NFIX: variants seen among roughly 807,000 people sequenced by gnomAD.
NFIX encodes nuclear factor 1 X-type.
NFIX carries 2 observed loss-of-function variants against 53.3 expected under a neutral mutation model. The observed-to-expected ratio is 0.04, with a 90% CI of 0.02 to 0.12. The LOEUF is 0.12. Ranked by LOEUF, NFIX falls within the 10% of genes least tolerant of loss-of-function variation. NFIX has a pLI of 1.00. For synonymous variants in NFIX, 244 were observed against 289.0 expected (o/e 0.84, Z 1.58); for missense variants, 310 against 674.5 (o/e 0.46, Z 5.99).
chr19:13,046,451 G>A (rs144200717), intron 2 of NFIX, among the ~76,000 whole-genome samples: 11 of 152,098 alleles, frequency 7.2e-5, no homozygotes, highest in African/African-American at 1.9e-4. Context: ...CCTAATAGTG[G>A]AATCGCGTTG....
At chr19:13,061,762 A>G (rs1197917477) in intron 2 of NFIX, among the ~76,000 whole-genome samples, 8 of 152,156 alleles carry the variant, frequency 5.3e-5, no homozygotes, top group Non-Finnish European at 8.8e-5. Context: ...CAAGCTTGGT[A>G]CTTTATAGTA....
rs2012977124 is a variant in NFIX, at chr19:13,022,093, C to T, written c.28-2928C>T. On this transcript the variant is annotated intron_variant, in intron 1 of 10. Transcript: ENST00000592199. The surrounding 1 kb of genome is among the most constrained non-coding windows in gnomAD (Gnocchi z 4.5). Reference sequence around the variant, plus strand: ...TAAATGCCTGTGCAGTGGTGAGGGGCGTTGGTCAGATTCCTTGCCTCTGCT... The same window carrying T: ...TAAATGCCTGTGCAGTGGTGAGGGGTGTTGGTCAGATTCCTTGCCTCTGCT... 6.6e-6 allele frequency among the ~76,000 whole-genome samples: 1 copy of T among 152,080 alleles called. No individual in the cohort carries two copies.
chr19:13,032,656 G>A (rs1393409302), intron 2 of NFIX, among the ~76,000 whole-genome samples: 1 of 152,160 alleles, frequency 6.6e-6, no homozygotes, highest in Non-Finnish European at 1.5e-5. Context: ...GGGAGTGAGA[G>A]GTTTATAGAG....
At position 13,093,010 on chromosome 19, in the gene NFIX, C is replaced by T. The variant is rs922624074; in HGVS notation, c.1495-1625C>T. On this transcript the variant is annotated intron_variant, in intron 10 of 10. Coordinates refer to ENST00000592199, the MANE Select transcript of NFIX (RefSeq NM_001365902.3). This position sits in a 1 kb window ranked among gnomAD's most constrained non-coding sequence, Gnocchi z 4.7. ...TTTAGCATTTCTGCCCACCCAGCAG[C>T]GCCTGCTCATTGTGGCAATCCCAAA... Among the ~76,000 whole-genome samples the T allele has an allele frequency of 2.6e-5, 4 of 152,250 alleles. No individual in the cohort carries two copies. Among genetic ancestry groups the T allele is most frequent in the African/African-American group, 9.6e-5 (4 of 41,464 alleles).
intron 2 of NFIX, among the ~76,000 whole-genome samples, chr19:13,026,328 G>T (rs991563545): frequency 6.6e-6 from 1 of 151,744 alleles, no homozygotes; most frequent in Admixed American, 6.6e-5. Flanking sequence ...CACAGGCATG[G>T]CAGGGAGCAG....
At chr19:13,035,152 G>A (rs1311477835) in intron 2 of NFIX, among the ~76,000 whole-genome samples, 2 of 152,322 alleles carry the variant, frequency 1.3e-5, no homozygotes, top group African/African-American at 4.8e-5. Context: ...CAGACAGAAT[G>A]CCACCTGTGT....
chr19:13,007,444 G>A (rs2012085259), intron 1 of NFIX, among the ~76,000 whole-genome samples: 1 of 152,212 alleles, frequency 6.6e-6, no homozygotes, highest in Non-Finnish European at 1.5e-5. Flanking sequence ...TCCCATTTCT[G>A]ATTGCCCTGC....
rs1436929218 is a variant in NFIX at position 13,081,634 on chromosome 19, CCT to C, written c.1079-44_1079-43del. 1 of 1,589,336 alleles carries C rather than the reference CCT, an allele frequency of 6.3e-7. No homozygotes were observed. The highest frequency in any genetic ancestry group is 1.1e-5 in the South Asian group (1 of 88,394). On this transcript the variant is annotated intron_variant, in intron 7 of 10. Transcript: ENST00000592199. This position sits in a 1 kb window ranked among gnomAD's most constrained non-coding sequence, Gnocchi z 4.7. ...CCTCTCCTGTCCCTCCCACTGGCTG[CCT>C]CCTTGGCCCTGACGCCCTTTTTTCC...
chr19:13,074,471 A>C (rs1427106504), intron 5 of NFIX, among the ~76,000 whole-genome samples: 3 of 152,100 alleles, frequency 2.0e-5, no homozygotes, highest in Non-Finnish European at 4.4e-5. Flanking sequence ...ATCCCTGGGT[A>C]GTGGGGACCC....
intron 1 of NFIX, among the ~76,000 whole-genome samples, chr19:13,020,881 C>T (rs1192782437): frequency 1.3e-5 from 2 of 152,132 alleles, no homozygotes; most frequent in Non-Finnish European, 2.9e-5. Flanking sequence ...GCTGCCCCCA[C>T]CTCTATCCCT....
chr19:13,044,572 G>A (rs1401200178), intron 2 of NFIX, among the ~76,000 whole-genome samples: 1 of 152,112 alleles, frequency 6.6e-6, no homozygotes, highest in African/African-American at 2.4e-5. Context: ...CAGTGAGTAG[G>A]GGGCACAGCA....
chr19:13,010,198 C>A (rs563183184), intron 1 of NFIX, among the ~76,000 whole-genome samples: 1 of 152,324 alleles, frequency 6.6e-6, no homozygotes, highest in East Asian at 1.9e-4. Flanking sequence ...GCCTGCCGGG[C>A]GGGCGGCCGG....
chr19:13,067,504 G>T lies in NFIX; in HGVS notation c.560-5543G>T, dbSNP rs867661159. Among the ~76,000 whole-genome samples the T allele has an allele frequency of 1.5e-5, 2 of 133,716 alleles. No homozygotes were observed. The highest frequency in any genetic ancestry group is 3.3e-5 in the Non-Finnish European group (2 of 60,358). The allele number at this position is 133,716 out of a possible 152,430, so 87.7% of individuals were successfully genotyped here. On this transcript the variant is annotated intron_variant, in intron 2 of 10. Coordinates refer to ENST00000592199, the MANE Select transcript of NFIX (RefSeq NM_001365902.3). The surrounding 1 kb of genome is among the most constrained non-coding windows in gnomAD (Gnocchi z 4.2). ...TGTGCGTGTGTGTGTGTGTGTGTGT[G>T]TATGTGTGTGTCTGAGTCTGAGCAT... is the stretch of plus-strand genomic sequence containing the variant.
intron 1 of NFIX, among the ~76,000 whole-genome samples, chr19:13,000,313 G>A (rs572590095): frequency 6.6e-6 from 1 of 152,226 alleles, no homozygotes; most frequent in Non-Finnish European, 1.5e-5. Context: ...GTTGCCAATT[G>A]TTGGTTGTCA....
intron 1 of NFIX, among the ~76,000 whole-genome samples, chr19:13,016,726 C>T (rs1314460683): frequency 1.3e-5 from 2 of 151,408 alleles, no homozygotes; most frequent in Non-Finnish European, 2.9e-5. Context: ...TAAACAGGCC[C>T]AGGAGCCATT....
chr19:12,999,467 C>T (rs543343090), intron 1 of NFIX, among the ~76,000 whole-genome samples: 48 of 146,746 alleles, frequency 3.3e-4, no homozygotes, highest in East Asian at 1.8e-3. Context: ...CCACTGCACC[C>T]GGCCACAAAT....
chr19:13,070,691 C>A (rs1009179383), intron 2 of NFIX: 1 of 152,464 alleles, frequency 6.6e-6, no homozygotes, highest in Non-Finnish European at 1.5e-5. Flanking sequence ...CAGCAGCGCC[C>A]GGAGCAGCGC....
rs2016520781 is a variant in NFIX at position 13,067,853 on chromosome 19, C to G, written c.560-5194C>G. ...GGGCACGGTGGCTCACGCCTGTAAT[C>G]CCAGCACTTTGGGAGGCTGAGACGG... On this transcript the variant is annotated intron_variant, in intron 2 of 10. Transcript: ENST00000592199. This position sits in a 1 kb window ranked among gnomAD's most constrained non-coding sequence, Gnocchi z 4.2. Among the ~76,000 whole-genome samples, 1 of 152,046 alleles carries G rather than the reference C, an allele frequency of 6.6e-6. No individual in the cohort carries two copies. Among genetic ancestry groups the G allele is most frequent in the African/African-American group, 2.4e-5 (1 of 41,382 alleles).
intron 7 of NFIX, among the ~76,000 whole-genome samples, chr19:13,080,133 G>A (rs2017372795): frequency 6.6e-6 from 1 of 152,198 alleles, no homozygotes; most frequent in South Asian, 2.1e-4. Context: ...CACCTTAGGT[G>A]CAGAGTGTCA....
Sources: gnomAD v4.1 joint callset for allele counts (sites outside exome capture counted in the v4.1 genomes callset) on GRCh38, gnomAD v4.1.1 for gene constraint, Gnocchi (gnomAD v3.1) non-coding constraint, MANE v1.5 for transcripts, NCBI Gene and HGNC (gene_info 2026-07-23, HGNC 2026-07-21) for gene names.